The following C16orf74 variants were observed in gnomAD, a reference collection of about 807,000 sequenced individuals.
C16orf74 encodes the protein uncharacterized protein C16orf74.
A neutral mutation model predicts 6.5 loss-of-function variants in C16orf74; 10 were observed. The ratio of observed to expected loss-of-function variants is 1.54; its 90% CI spans 0.95 to 2.61. The LOEUF (loss-of-function observed/expected upper bound fraction) is 2.61. Among genes scored for constraint, C16orf74 ranks in the 30% most tolerant of loss-of-function variants. The pLI is 0.00. For synonymous variants in C16orf74, 60 were observed against 42.5 expected (o/e 1.41, Z -1.60); for missense variants, 141 against 105.9 (o/e 1.33, Z -1.45).
chr16:85,710,415 T>C (rs2053958245), intron 2 of C16orf74, 108 bp from the exon 3 acceptor site: 1 of 1,084,500 alleles, frequency 9.2e-7, no homozygotes, highest in Non-Finnish European at 1.2e-6. Flanking sequence ...ATCACCTGGG[T>C]CCTGACGCCT....
intron 2 of C16orf74, among the ~76,000 whole-genome samples, chr16:85,726,048 T>C (rs1479716648): frequency 1.3e-5 from 2 of 152,136 alleles, no homozygotes; most frequent in East Asian, 3.9e-4. Context: ...CCTTTGCATT[T>C]GCTGTTCCTT....
intron 2 of C16orf74, among the ~76,000 whole-genome samples, chr16:85,727,537 C>T (rs953006186): frequency 5.9e-5 from 9 of 152,068 alleles, no homozygotes; most frequent in African/African-American, 2.2e-4. Context: ...TGGCCGGGTG[C>T]GGTGGCTCAC....
chr16:85,743,946 C>A (rs949498643), intron 1 of C16orf74, among the ~76,000 whole-genome samples: 1 of 151,792 alleles, frequency 6.6e-6, no homozygotes, highest in East Asian at 1.9e-4. Context: ...CCCAGCTACT[C>A]GGGACGCTGA....
intron 2 of C16orf74, among the ~76,000 whole-genome samples, chr16:85,712,964 C>T (rs1186112409): frequency 1.3e-5 from 2 of 152,232 alleles, no homozygotes; most frequent in Non-Finnish European, 2.9e-5. Flanking sequence ...CCAAAGTGAG[C>T]AATCAATCAG....
intron 2 of C16orf74, among the ~76,000 whole-genome samples, chr16:85,730,026 C>T (rs188564090): frequency 6.6e-6 from 1 of 152,166 alleles, no homozygotes; most frequent in African/African-American, 2.4e-5. Flanking sequence ...AAGTCGGGTG[C>T]CATCGACACA....
chr16:85,744,629 G>C (rs1209786084), intron 1 of C16orf74, among the ~76,000 whole-genome samples: 1 of 151,804 alleles, frequency 6.6e-6, no homozygotes, highest in Non-Finnish European at 1.5e-5. Context: ...AGGAGATCGA[G>C]ACCATCCTGG....
At chr16:85,730,817 A>G (rs2054179621) in intron 2 of C16orf74, among the ~76,000 whole-genome samples, 1 of 125,968 alleles carries the variant, frequency 7.9e-6, no homozygotes, top group South Asian at 3.1e-4. Context: ...ACTCCCCCAT[A>G]CGAGACAACC....
At chr16:85,746,689 C>G (rs923716504) in intron 1 of C16orf74, among the ~76,000 whole-genome samples, 1 of 152,156 alleles carries the variant, frequency 6.6e-6, no homozygotes, top group Non-Finnish European at 1.5e-5. Context: ...TGAGTGGGCT[C>G]CAATCCCAGT....
intron 2 of C16orf74, among the ~76,000 whole-genome samples, chr16:85,729,432 T>C (rs987313906): frequency 6.6e-6 from 1 of 152,188 alleles, no homozygotes; most frequent in East Asian, 1.9e-4. Context: ...ACAGCTGTGT[T>C]CCTCCTATGC....
At chr16:85,738,941 G>T (rs1479011228) in intron 1 of C16orf74, among the ~76,000 whole-genome samples, 1 of 151,964 alleles carries the variant, frequency 6.6e-6, no homozygotes, top group African/African-American at 2.4e-5. Flanking sequence ...CATCTGGGTA[G>T]CAAGTGACAG....
intron 2 of C16orf74, among the ~76,000 whole-genome samples, chr16:85,713,132 A>G (rs966597904): frequency 6.6e-6 from 1 of 152,130 alleles, no homozygotes; most frequent in African/African-American, 2.4e-5. Context: ...TGGAGGCTGC[A>G]AGGGAGACTG....
At chr16:85,733,402 G>A (rs527953680) in intron 2 of C16orf74, among the ~76,000 whole-genome samples, 8 of 152,260 alleles carry the variant, frequency 5.3e-5, no homozygotes, top group African/African-American at 9.6e-5. Context: ...GGGAGGGAAC[G>A]GGGAGTTAGT....
chr16:85,746,588 G>C (rs2054375638), intron 1 of C16orf74, among the ~76,000 whole-genome samples: 1 of 152,162 alleles, frequency 6.6e-6, no homozygotes, highest in Non-Finnish European at 1.5e-5. Context: ...ACCTTGCCCT[G>C]CTTGCCTAAC....
intron 1 of C16orf74, among the ~76,000 whole-genome samples, chr16:85,749,816 G>T (rs538181442): frequency 1.3e-5 from 2 of 152,228 alleles, no homozygotes; most frequent in African/African-American, 4.8e-5. Flanking sequence ...CACCCCACCG[G>T]CATGGGAAGG....
At chr16:85,718,528 C>T (rs1478062046) in intron 2 of C16orf74, among the ~76,000 whole-genome samples, 7 of 152,234 alleles carry the variant, frequency 4.6e-5, no homozygotes, top group South Asian at 2.1e-4. Flanking sequence ...ACCTGGGCTA[C>T]GGTCCACCTG....
Position 85,707,745 on chromosome 16 carries a change from G to A in C16orf74, c.*263C>T, listed in dbSNP as rs904295370. The A allele has an allele frequency of 1.0e-5, 5 of 497,894 alleles. No homozygotes were observed. The highest frequency in any genetic ancestry group is 2.5e-5 in the South Asian group (1 of 39,750). 30.8% of individuals were successfully genotyped at this position (497,894 alleles called of 1,614,324 possible). On this transcript the variant is annotated 3_prime_UTR_variant, in exon 4 of 4. Transcript: ENST00000284245. ...GGACCCCAACAGCCAGGACCATGGC[G>A]CTCCCTTTCACCAGGCCGGAGTCAG...
intron 1 of C16orf74, among the ~76,000 whole-genome samples, chr16:85,750,691 T>C (rs1334456300): frequency 6.6e-6 from 1 of 152,094 alleles, no homozygotes; most frequent in African/African-American, 2.4e-5. Context: ...GCCGTGCAAG[T>C]TGCAGCGCGG....
chr16:85,748,925 A>ATTTTTT (rs748594620), intron 1 of C16orf74, among the ~76,000 whole-genome samples: 17 of 73,090 alleles, frequency 2.3e-4, no homozygotes, highest in African/African-American at 8.7e-4. Flanking sequence ...GGAGGCTTTG[A>ATTTTTT]TTTTTTTTTT....
intron 2 of C16orf74, among the ~76,000 whole-genome samples, chr16:85,725,920 A>G (rs2054128430): frequency 6.6e-6 from 1 of 151,906 alleles, no homozygotes; most frequent in African/African-American, 2.4e-5. Context: ...TTCTCAATCC[A>G]CACCTCAGCT....
Sources: gnomAD v4.1 joint callset for allele counts (sites outside exome capture counted in the v4.1 genomes callset) on GRCh38, gnomAD v4.1.1 for gene constraint, MANE v1.5 for transcripts, NCBI Gene and HGNC (gene_info 2026-07-23, HGNC 2026-07-21) for gene names.